CDH18: variants seen among roughly 807,000 people sequenced by gnomAD.
The protein encoded by CDH18 is cadherin-18.
CDH18 carries 31 observed loss-of-function variants against 67.9 expected under a neutral mutation model. The observed-to-expected ratio is 0.46, with a 90% CI of 0.34 to 0.62. The LOEUF is 0.62. CDH18 is among the 20% of genes least tolerant of loss of function. CDH18 has a pLI of 0.01. For missense variants in CDH18, 890 were observed against 975.5 expected, an observed-to-expected ratio of 0.91 and a Z score of 1.17; for synonymous variants, 362 against 347.2, an observed-to-expected ratio of 1.04 and a Z score of -0.48.
intron 1 of CDH18, among the ~76,000 whole-genome samples, chr5:20,544,577 G>C (rs928344640): frequency 2.0e-5 from 3 of 152,102 alleles, no homozygotes; most frequent in Non-Finnish European, 4.4e-5. Flanking sequence ...AGGAGAGAGA[G>C]AGAGCGAGAG....
intron 1 of CDH18, among the ~76,000 whole-genome samples, chr5:20,280,512 C>A (rs1746170870): frequency 6.6e-6 from 1 of 152,138 alleles, no homozygotes; most frequent in African/African-American, 2.4e-5. Context: ...CCAGCTTCAT[C>A]CATGTCCCTA....
intron 2 of CDH18, among the ~76,000 whole-genome samples, chr5:20,068,333 A>G (rs568991110): frequency 5.7e-4 from 87 of 152,260 alleles, no homozygotes; most frequent in African/African-American, 2.1e-3. Context: ...GAAATAAAGA[A>G]CAGAAACAAT....
chr5:19,738,227 A>G (rs1768622153), intron 4 of CDH18, among the ~76,000 whole-genome samples: 1 of 152,146 alleles, frequency 6.6e-6, no homozygotes, highest in South Asian at 2.1e-4. Flanking sequence ...GGTGATTTCA[A>G]ACTAATTTAT....
At chr5:20,248,785 T>C (rs1426262567) in intron 2 of CDH18, among the ~76,000 whole-genome samples, 1 of 152,208 alleles carries the variant, frequency 6.6e-6, no homozygotes, top group African/African-American at 2.4e-5. Context: ...TTTGTTTCAG[T>C]TGATATTTTA....
At chr5:20,008,112 C>T (rs1022993578) in intron 2 of CDH18, among the ~76,000 whole-genome samples, 1 of 151,956 alleles carries the variant, frequency 6.6e-6, no homozygotes, top group African/African-American at 2.4e-5. Context: ...AAATATTATT[C>T]TAAACTTAAT....
At chr5:19,879,602 A>C (rs1371231852) in intron 2 of CDH18, among the ~76,000 whole-genome samples, 1 of 152,050 alleles carries the variant, frequency 6.6e-6, no homozygotes, top group Non-Finnish European at 1.5e-5. Flanking sequence ...TAAAGTATTC[A>C]TTAAAATAAT....
chr5:20,544,362 T>C (rs899736433), intron 1 of CDH18, among the ~76,000 whole-genome samples: 2 of 152,146 alleles, frequency 1.3e-5, no homozygotes, highest in East Asian at 1.9e-4. Context: ...GTATGTATAA[T>C]ATATAAAGAA....
At chr5:20,369,830 T>A (rs983146923) in intron 1 of CDH18, among the ~76,000 whole-genome samples, 1 of 152,208 alleles carries the variant, frequency 6.6e-6, no homozygotes, top group African/African-American at 2.4e-5. Context: ...TTTATAAAAA[T>A]GAAGTAACTT....
chr5:19,743,947 A>T (rs936718611), intron 4 of CDH18, among the ~76,000 whole-genome samples: 4 of 127,410 alleles, frequency 3.1e-5, no homozygotes, highest in Non-Finnish European at 7.1e-5. Context: ...AAAAAAAAAA[A>T]AAAATCAGAG....
At chr5:20,563,057 C>T (rs1758310772) in intron 1 of CDH18, among the ~76,000 whole-genome samples, 1 of 150,826 alleles carries the variant, frequency 6.6e-6, no homozygotes. Context: ...ACATGAAAAA[C>T]TTAACTCCAA....
intron 4 of CDH18, among the ~76,000 whole-genome samples, chr5:19,726,486 G>T (rs1766864487): frequency 6.6e-6 from 1 of 152,060 alleles, no homozygotes; most frequent in Non-Finnish European, 1.5e-5. Flanking sequence ...CTGGTTGAAG[G>T]GAGCACACAC....
Position 20,435,567 on chromosome 5 carries a change from T to C in CDH18, c.-580+139895A>G, listed in dbSNP as rs1749105167. ...TGATATTGTTACAAATACTGACAAG[T>C]TAAAACCACTGTCTGGAATAGGCCA... On this transcript the variant is annotated intron_variant, in intron 1 of 14. Coordinates refer to the CDH18 transcript ENST00000507958. Among the ~76,000 whole-genome samples the C allele has an allele frequency of 2.0e-5, 3 of 151,872 alleles. No homozygotes were observed. The South Asian group carries it at 6.2e-4, about 32-fold the overall frequency.
intron 2 of CDH18, among the ~76,000 whole-genome samples, chr5:20,141,899 T>C (rs1750272599): frequency 1.3e-5 from 2 of 151,944 alleles, no homozygotes; most frequent in South Asian, 2.1e-4. Context: ...TTAATACTAA[T>C]ATTAAAGTAT....
intron 2 of CDH18, among the ~76,000 whole-genome samples, chr5:19,963,288 G>A (rs1797095564): frequency 6.6e-6 from 1 of 152,108 alleles, no homozygotes; most frequent in African/African-American, 2.4e-5. Flanking sequence ...CAATGGTGTT[G>A]GAAGGTGATA....
intron 9 of CDH18, among the ~76,000 whole-genome samples, chr5:19,532,453 A>C (rs937818018): frequency 6.6e-6 from 1 of 152,152 alleles, no homozygotes; most frequent in African/African-American, 2.4e-5. Flanking sequence ...AACAGAAGAC[A>C]TTCCTTATCT....
At chr5:20,204,078 G>T (rs1024723348) in intron 2 of CDH18, among the ~76,000 whole-genome samples, 1 of 151,962 alleles carries the variant, frequency 6.6e-6, no homozygotes, top group South Asian at 2.1e-4. Flanking sequence ...GGGAAAGAAA[G>T]AAACAAATAA....
At position 20,062,376 on chromosome 5, in the gene CDH18, A is replaced by G. The variant is rs533781186; in HGVS notation, c.-517-70362T>C. 6.6e-5 allele frequency among the ~76,000 whole-genome samples: 10 copies of G among 151,932 alleles called. No homozygotes were observed. The East Asian group carries it at 2.0e-3, about 30-fold the overall frequency. On this transcript the variant is annotated intron_variant, in intron 2 of 14. Transcript: ENST00000507958. ...ACCATGTTGGCCCGGATGGTCTTGA[A>G]CATCTGACCTCAAGTGATCCACCCA...
intron 9 of CDH18, among the ~76,000 whole-genome samples, chr5:19,541,814 G>C (rs973175844): frequency 6.6e-6 from 1 of 151,180 alleles, no homozygotes; most frequent in Non-Finnish European, 1.5e-5. Context: ...ATGAGATATG[G>C]GTGAGGACAA....
chr5:19,975,984 A>G (rs1196050505), intron 2 of CDH18, among the ~76,000 whole-genome samples: 3 of 152,170 alleles, frequency 2.0e-5, no homozygotes, highest in Non-Finnish European at 4.4e-5. Flanking sequence ...CCTAACGGTT[A>G]CTTATTTCCA....
Sources: gnomAD v4.1 joint callset for allele counts (sites outside exome capture counted in the v4.1 genomes callset) on GRCh38, gnomAD v4.1.1 for gene constraint, MANE v1.5 for transcripts, NCBI Gene and HGNC (gene_info 2026-07-23, HGNC 2026-07-21) for gene names.